The following SYNCRIP variants were observed in gnomAD, a reference collection of about 807,000 sequenced individuals.
SYNCRIP encodes synaptotagmin binding cytoplasmic RNA interacting protein.
In SYNCRIP, 9 loss-of-function variants were observed where a neutral mutation model predicts 68.9. The ratio of observed to expected loss-of-function variants is 0.13; its 90% CI spans 0.08 to 0.23. The LOEUF is 0.23. Ranked by LOEUF, SYNCRIP falls within the 10% of genes least tolerant of loss-of-function variation. SYNCRIP has a pLI of 1.00. For missense variants in SYNCRIP, 414 were observed against 770.6 expected (o/e 0.54, Z 5.48); for synonymous variants, 258 against 254.0 (o/e 1.02, Z -0.15).
At chr6:85,639,852 T>C (rs2758846) in intron 4 of SYNCRIP, among the ~76,000 whole-genome samples, 42,423 of 152,024 alleles carry the variant, frequency 0.28, 6,996 homozygotes, top group East Asian at 0.39. Flanking sequence ...TCTAAATTCA[T>C]TGGGGTTTGA....
intron 6 of SYNCRIP, among the ~76,000 whole-genome samples, chr6:85,632,861 CG>C (rs1807965471): frequency 6.6e-6 from 1 of 152,102 alleles, no homozygotes; most frequent in African/African-American, 2.4e-5. Context: ...CACGTAAGCC[CG>C]GGAGTTCAAG....
intron 6 of SYNCRIP, among the ~76,000 whole-genome samples, chr6:85,627,931 C>T (rs2128291238): frequency 6.6e-6 from 1 of 152,336 alleles, no homozygotes; most frequent in East Asian, 1.9e-4. Context: ...AAGTCCTTCC[C>T]TCATAGTCAC....
chr6:85,627,091 C>T (rs1807132342), intron 6 of SYNCRIP, among the ~76,000 whole-genome samples: 1 of 152,010 alleles, frequency 6.6e-6, no homozygotes, highest in Non-Finnish European at 1.5e-5. Flanking sequence ...CACAGTGAAA[C>T]GCCGTCTCTA....
At chr6:85,629,275 G>A (rs1309185140) in intron 6 of SYNCRIP, among the ~76,000 whole-genome samples, 4 of 151,798 alleles carry the variant, frequency 2.6e-5, no homozygotes, top group Admixed American at 6.6e-5. Context: ...CTTCCTTTAC[G>A]CTTTGCACCA....
chr6:85,612,085 C>G (rs1805295544), downstream of SYNCRIP: 1 of 152,080 alleles, frequency 6.6e-6, no homozygotes, highest in Admixed American at 6.5e-5. Context: ...ACGACAAAAG[C>G]AAGGCCTGTT....
upstream of SYNCRIP, chr6:85,643,862 G>C (rs1809490448): frequency 1.3e-5 from 2 of 152,182 alleles, no homozygotes; most frequent in Non-Finnish European, 2.9e-5. Flanking sequence ...AGCTGCAGGC[G>C]CACGTGTCCC....
Position 85,622,021 on chromosome 6 carries a change from T to G in SYNCRIP, c.1008+461A>C, listed in dbSNP as rs1436962367. 5.3e-5 allele frequency among the ~76,000 whole-genome samples: 8 copies of G among 152,302 alleles called. No individual in the cohort carries two copies. In the East Asian group the frequency reaches 1.2e-3, roughly 22 times the overall value. ...GGCACATGGTATTTCCAGTGCGCAC[T>G]GCCTAGTCCCGTAGTAAAGAACATT... On this transcript the variant is annotated intron_variant, in intron 8 of 10. Coordinates refer to ENST00000369622, the MANE Select transcript of SYNCRIP (RefSeq NM_006372.5).
At position 85,628,143 on chromosome 6, in the gene SYNCRIP, C is replaced by A. The variant is rs376744999; in HGVS notation, c.667-4031G>T. 3.3e-5 allele frequency among the ~76,000 whole-genome samples: 5 copies of A among 152,302 alleles called. No homozygotes were observed. The East Asian group carries it at 7.7e-4, about 24-fold the overall frequency. On this transcript the variant is annotated intron_variant, in intron 6 of 10. Transcript: ENST00000369622. ...CGACTTCAGCTAACTGCAACCTCCA[C>A]CTCCCGGTTTCAAGTGATTCTCCTG...
intron 6 of SYNCRIP, among the ~76,000 whole-genome samples, chr6:85,625,257 T>C (rs1448278336): frequency 6.6e-6 from 1 of 152,118 alleles, no homozygotes; most frequent in Non-Finnish European, 1.5e-5. Context: ...TGATCCCAGG[T>C]TTACTTCTAT....
intron 6 of SYNCRIP, among the ~76,000 whole-genome samples, chr6:85,631,886 G>A (rs1378589996): frequency 2.0e-5 from 3 of 152,190 alleles, no homozygotes; most frequent in Non-Finnish European, 2.9e-5. Flanking sequence ...ATTTAAAGGT[G>A]ATAACGTAGC....
chr6:85,632,721 T>C (rs1391838596), intron 6 of SYNCRIP, among the ~76,000 whole-genome samples: 1 of 150,972 alleles, frequency 6.6e-6, no homozygotes, highest in African/African-American at 2.4e-5. Context: ...GCAGTAAGAC[T>C]GCTTGAGGCC....
intron 4 of SYNCRIP, among the ~76,000 whole-genome samples, chr6:85,638,645 G>A (rs779760464): frequency 1.4e-4 from 22 of 151,908 alleles, no homozygotes; most frequent in Non-Finnish European, 2.2e-4. Context: ...TCTACTCAAA[G>A]GACACTAACT....
chr6:85,608,055 T>C (rs936901610), downstream of SYNCRIP: 4 of 152,070 alleles, frequency 2.6e-5, no homozygotes, highest in Non-Finnish European at 1.5e-5. Context: ...TACCACTAAC[T>C]TTATCAAATC....
At chr6:85,635,950 A>C (rs1323917259) in intron 6 of SYNCRIP, among the ~76,000 whole-genome samples, 1 of 152,244 alleles carries the variant, frequency 6.6e-6, no homozygotes, top group African/African-American at 2.4e-5. Context: ...CAGGATACGT[A>C]AGCCAGATAA....
chr6:85,641,010 A>G (rs1224339256), intron 2 of SYNCRIP, among the ~76,000 whole-genome samples: 1 of 152,210 alleles, frequency 6.6e-6, no homozygotes, highest in Non-Finnish European at 1.5e-5. Flanking sequence ...AATACTCAAA[A>G]AAGTCACATG....
intron 7 of SYNCRIP, among the ~76,000 whole-genome samples, 200 bp downstream of exon 7, chr6:85,623,777 A>AC (rs956564735): frequency 6.6e-6 from 1 of 152,172 alleles, no homozygotes; most frequent in African/African-American, 2.4e-5. Flanking sequence ...ACTAACTTGT[A>AC]CAACGTTTGG....
rs116240890 is a variant in SYNCRIP, at chr6:85,636,841, A to G, written c.666+126T>C. ...TACAATGCTTGCACAGTGATGTGGG[A>G]AAAAAAAAACCTGCCTAAATCAGTA... On this transcript the variant is annotated intron_variant, in intron 6 of 10. Coordinates refer to ENST00000369622, the MANE Select transcript of SYNCRIP (RefSeq NM_006372.5). The G allele has an allele frequency of 4.8e-3, 3,697 of 763,854 alleles. 79 individuals are homozygous for G. In the African/African-American group the frequency reaches 0.056, roughly 12 times the overall value. 47.3% of individuals were successfully genotyped at this position (763,854 alleles called of 1,614,324 possible).
At chr6:85,618,989 T>C (rs1176423838) in intron 9 of SYNCRIP, 50 bp from the exon 10 acceptor site, 12 of 1,543,166 alleles carry the variant, frequency 7.8e-6, no homozygotes, top group Middle Eastern at 1.7e-4. Context: ...CATACAATTA[T>C]GATTCATTTA....
At chr6:85,623,874 G>T in intron 7 of SYNCRIP, 103 bp downstream of exon 7, 1 of 1,381,878 alleles carries the variant, frequency 7.2e-7, no homozygotes, top group South Asian at 1.3e-5. Flanking sequence ...GTGAGGATTC[G>T]ATGAGTCAAT....
Sources: gnomAD v4.1 joint callset for allele counts (sites outside exome capture counted in the v4.1 genomes callset) on GRCh38, gnomAD v4.1.1 for gene constraint, MANE v1.5 for transcripts, NCBI Gene and HGNC (gene_info 2026-07-23, HGNC 2026-07-21) for gene names.